Variants in DNAAF2 observed in about 807,000 individuals in gnomAD.
DNAAF2 encodes the protein dynein axonemal assembly factor 2.
A neutral mutation model predicts 48.8 loss-of-function variants in DNAAF2; 58 were observed. The observed-to-expected ratio is 1.19, with a 90% confidence interval of 0.96 to 1.48. DNAAF2 has a LOEUF of 1.48. Among genes scored for constraint, DNAAF2 ranks in the 40% most tolerant of loss-of-function variants. DNAAF2 has a pLI of 0.00. For synonymous variants in DNAAF2, 567 were observed against 481.2 expected (o/e 1.18, Z -2.33); for missense variants, 1,241 against 1,116.1 (o/e 1.11, Z -1.59).
At chr14:49,629,621 T>C (rs1883099842) in intron 1 of DNAAF2, 2 of 151,862 alleles carry the variant, frequency 1.3e-5, no homozygotes, top group Admixed American at 6.6e-5. Context: ...GAGGCGGAGA[T>C]TGCAGTGAGT....
At chr14:49,633,056 G>C (rs1230083077) in intron 1 of DNAAF2, among the ~76,000 whole-genome samples, 1 of 152,056 alleles carries the variant, frequency 6.6e-6, no homozygotes, top group Non-Finnish European at 1.5e-5. Context: ...CGAGCAGCTA[G>C]GACTACAGGC....
rs1882977864 is a variant in DNAAF2 at position 49,625,513 on chromosome 14, A to C, written c.*29T>G. 7.2e-7 allele frequency: 1 copy of C among 1,386,500 alleles called. No homozygotes were observed. Among genetic ancestry groups the C allele is most frequent in the South Asian group, 1.8e-5 (1 of 55,952 alleles). The allele number at this position is 1,386,500 out of a possible 1,614,324, so 85.9% of individuals were successfully genotyped here. Reference sequence around the variant, plus strand: ...TTAGATACAGGTATTTTTTAACCTTAATATTTAAAAGTCCAAAATTATATA... The same window carrying C: ...TTAGATACAGGTATTTTTTAACCTTCATATTTAAAAGTCCAAAATTATATA... On this transcript the variant is annotated 3_prime_UTR_variant, in exon 3 of 3. Coordinates refer to ENST00000298292, the MANE Select transcript of DNAAF2 (RefSeq NM_018139.3).
intron 1 of DNAAF2, among the ~76,000 whole-genome samples, chr14:49,630,953 G>A (rs1478621935): frequency 6.6e-6 from 1 of 152,056 alleles, no homozygotes; most frequent in Non-Finnish European, 1.5e-5. Flanking sequence ...GTTTCACCTT[G>A]TTGGCCAGGA....
intron 1 of DNAAF2, among the ~76,000 whole-genome samples, chr14:49,633,068 C>G (rs1883205027): frequency 6.6e-6 from 1 of 152,060 alleles, no homozygotes; most frequent in Admixed American, 6.6e-5. Context: ...ACTACAGGCG[C>G]CCGCTACCAT....
chr14:49,633,299 G>C lies in DNAAF2; in HGVS notation c.1851C>G (p.Asn617Lys). The change falls in exon 1 of 3, where the codon AAC becomes AAG. Residue 617 changes from asparagine to lysine, a missense_variant. Asn to Lys is a moderately conservative substitution (Grantham distance 94, BLOSUM62 0). Transcript: ENST00000298292. ...HWREWYYGVN[N>K]DSLEERLFVN... ...AAAGAACTGTTACCTCCAAAGAATC[G>C]TTGTTTACACCATAATACCACTCTC... is the stretch of plus-strand genomic sequence containing the variant. The C allele has an allele frequency of 6.2e-7, 1 of 1,613,060 alleles. No individual in the cohort carries two copies.
intron 1 of DNAAF2, among the ~76,000 whole-genome samples, chr14:49,628,405 TTCTG>T (rs577187695): frequency 7.2e-5 from 11 of 152,214 alleles, no homozygotes; most frequent in Non-Finnish European, 1.5e-4. Context: ...TTGGTACTTT[TTCTG>T]TCTATTAAAC....
intron 1 of DNAAF2, among the ~76,000 whole-genome samples, chr14:49,632,802 C>T (rs1883196691): frequency 2.0e-5 from 3 of 151,984 alleles, no homozygotes; most frequent in African/African-American, 7.3e-5. Context: ...TTTCTCAACA[C>T]TTAACTCTTG....
At chr14:49,628,270 T>A in intron 1 of DNAAF2, 115 bp from the exon 2 acceptor site, 1 of 880,190 alleles carries the variant, frequency 1.1e-6, no homozygotes, top group Non-Finnish European at 1.7e-6. Flanking sequence ...TTTTAAAATG[T>A]TTATTTTAAT....
intron 1 of DNAAF2, among the ~76,000 whole-genome samples, chr14:49,630,729 CACAAACTCTCT>C (rs1256621743): frequency 1.6e-5 from 2 of 124,012 alleles, no homozygotes; most frequent in Non-Finnish European, 3.6e-5. Context: ...CACACACACA[CACAAACTCTCT>C]ACACACACAC....
intron 2 of DNAAF2, among the ~76,000 whole-genome samples, chr14:49,626,500 G>C (rs1479270413): frequency 6.6e-6 from 1 of 152,104 alleles, no homozygotes; most frequent in Non-Finnish European, 1.5e-5. Context: ...AAAAGAAAAA[G>C]ACAGGCAGCA....
chr14:49,632,586 C>T (rs189265191), intron 1 of DNAAF2, among the ~76,000 whole-genome samples: 12 of 152,026 alleles, frequency 7.9e-5, no homozygotes, highest in Admixed American at 7.9e-4. Flanking sequence ...GCTGGGATTA[C>T]GGGTGCCCGC....
At chr14:49,632,761 T>A (rs1883195748) in intron 1 of DNAAF2, among the ~76,000 whole-genome samples, 1 of 152,062 alleles carries the variant, frequency 6.6e-6, no homozygotes, top group African/African-American at 2.4e-5. Context: ...AATACTTAAT[T>A]TTTAATATAT....
In DNAAF2 at chr14:49,634,055, CGCGGCG is replaced by C. The variant is rs745419780; in HGVS notation, c.1089_1094del (p.Ala364_Ala365del). ...CGGACCGGTCCGCGGACTCTTCCGG[CGCGGCG>C]GCGGCGACGGCGACAGCGGGCTCCC... On this transcript the variant is annotated inframe_deletion, in exon 1 of 3. Transcript: ENST00000298292. The C allele has an allele frequency of 1.7e-5, 26 of 1,520,556 alleles. No homozygotes were observed. The highest frequency in any genetic ancestry group is 2.3e-5 in the Non-Finnish European group (26 of 1,138,072). The allele number at this position is 1,520,556 out of a possible 1,614,324, so 94.2% of individuals were successfully genotyped here.
At chr14:49,630,814 G>A (rs1327588274) in intron 1 of DNAAF2, among the ~76,000 whole-genome samples, 4 of 150,958 alleles carry the variant, frequency 2.6e-5, no homozygotes, top group Non-Finnish European at 5.9e-5. Flanking sequence ...ACAACTGCGT[G>A]ATCTCAGCTC....
In DNAAF2 at chr14:49,628,199, T is replaced by G. The variant is rs752368540; in HGVS notation, c.1864-44A>C. 55 of 1,459,406 alleles carry G rather than the reference T, an allele frequency of 3.8e-5. 1 individual carries two copies. The Admixed American group carries it at 8.7e-4, about 23-fold the overall frequency. The allele number at this position is 1,459,406 out of a possible 1,614,324, so 90.4% of individuals were successfully genotyped here. Reference sequence around the variant, plus strand: ...AAATATTCTGCCTAATAAGTCCCACTTGACAACAGTTGTATCTCAAAGCAG... The same window carrying G: ...AAATATTCTGCCTAATAAGTCCCACGTGACAACAGTTGTATCTCAAAGCAG... On this transcript the variant is annotated intron_variant, in intron 1 of 2. Transcript: ENST00000298292.
chr14:49,628,242 A>G (rs929048827), intron 1 of DNAAF2, 87 bp from the exon 2 acceptor site: 22 of 1,099,618 alleles, frequency 2.0e-5, no homozygotes, highest in Middle Eastern at 2.9e-4. Flanking sequence ...AAATTCTCAC[A>G]TTGTTCAGGG....
Position 49,634,885 on chromosome 14 carries a change from A to C in DNAAF2, c.265T>G (p.Phe89Val). ...AACGCGTTGCTGCAGACATTCACAA[A>C]GCAGCGCCGCGCCCCGTCCAGGCTG... Reference protein sequence around the residue: ...RTSLDGARRCFVNVCSNALVG... With the variant: ...RTSLDGARRCVVNVCSNALVG... Residue 89 changes from phenylalanine to valine, a missense_variant, in exon 1 of 3, where the codon TTT (phenylalanine) becomes GTT (valine). Transcript: ENST00000298292. 6.5e-7 allele frequency: 1 copy of C among 1,549,604 alleles called. No homozygotes were observed. Among genetic ancestry groups the C allele is most frequent in the South Asian group, 1.2e-5 (1 of 84,100 alleles).
In DNAAF2 at chr14:49,635,153, G is replaced by C. The variant is rs528847072; in HGVS notation, c.-4C>G. Reference sequence around the variant, plus strand: ...AGGAGGCCGCCGCTTTGGCCATACTGTCCTGTGGCTCCTCGCCCTCGGGCC... The same window carrying C: ...AGGAGGCCGCCGCTTTGGCCATACTCTCCTGTGGCTCCTCGCCCTCGGGCC... On this transcript the variant is annotated 5_prime_UTR_variant, in exon 1 of 3. Coordinates refer to ENST00000298292, the MANE Select transcript of DNAAF2 (RefSeq NM_018139.3). 22 of 1,556,116 alleles carry C rather than the reference G, an allele frequency of 1.4e-5. No homozygotes were observed. The Admixed American group carries it at 4.1e-4, about 29-fold the overall frequency.
Position 49,634,938 on chromosome 14 carries a change from T to C in DNAAF2, c.212A>G (p.His71Arg), listed in dbSNP as rs919591102. The C allele has an allele frequency of 1.3e-6, 2 of 1,555,402 alleles. No individual in the cohort carries two copies. The highest frequency in any genetic ancestry group is 1.7e-6 in the Non-Finnish European group (2 of 1,149,574). ...GCGCAGCACATGGCCGGGCTCCGGG[T>C]GCACGAACCGCACTTCCACCCCGCG... The part of the protein sequence containing the change: ...RERGVEVRFV[H>R]PEPGHVLRTS... Residue 71 changes from histidine to arginine, a missense_variant, in exon 1 of 3, where the codon CAC (histidine) becomes CGC (arginine). Coordinates refer to ENST00000298292, the MANE Select transcript of DNAAF2 (RefSeq NM_018139.3).
Sources: allele counts gnomAD v4.1 joint callset (sites outside exome capture counted in the v4.1 genomes callset), GRCh38; gene constraint gnomAD v4.1.1; transcripts MANE v1.5; gene names NCBI Gene and HGNC (gene_info 2026-07-23, HGNC 2026-07-21).